The following AUTS2 variants were observed in gnomAD, a reference collection of about 807,000 sequenced individuals.
AUTS2 encodes activator of transcription and developmental regulator AUTS2, also known as autism susceptibility gene 2 protein.
In AUTS2, 17 loss-of-function variants were observed where a neutral mutation model predicts 112.4. The ratio of observed to expected loss-of-function variants is 0.15; its 90% CI spans 0.10 to 0.23. The LOEUF (loss-of-function observed/expected upper bound fraction) is 0.23. AUTS2 is among the 10% of genes least tolerant of loss of function. The pLI, the probability that AUTS2 is intolerant of heterozygous loss-of-function variation, is 1.00. For missense variants in AUTS2, 1,510 were observed against 1,701.6 expected (o/e 0.89, Z 1.98); for synonymous variants, 751 against 702.7 (o/e 1.07, Z -1.09).
chr7:70,070,129 G>GT, intron 2 of AUTS2, among the ~76,000 whole-genome samples: 1 of 152,178 alleles, frequency 6.6e-6, no homozygotes, highest in South Asian at 2.1e-4. Flanking sequence ...TTCGTTTCAT[G>GT]TTTTCTGGTA....
chr7:70,690,906 AGCTATGATTGTGCCACTGCACTC>A (rs1251726715), intron 5 of AUTS2, among the ~76,000 whole-genome samples: 2 of 152,204 alleles, frequency 1.3e-5, no homozygotes, highest in Admixed American at 1.3e-4. Context: ...GGTTATAGTG[AGCTATGATTGTGCCACTGCACTC>A]CAGCTTGGGT....
intron 4 of AUTS2, among the ~76,000 whole-genome samples, chr7:70,430,223 T>C (rs1186371337): frequency 6.6e-6 from 1 of 152,170 alleles, no homozygotes; most frequent in African/African-American, 2.4e-5. Flanking sequence ...GAGTGATTGC[T>C]TGGTGATGCT....
At chr7:70,227,128 C>G (rs558491439) in intron 4 of AUTS2, among the ~76,000 whole-genome samples, 1 of 151,808 alleles carries the variant, frequency 6.6e-6, no homozygotes, top group African/African-American at 2.4e-5. Flanking sequence ...TCTGAAGACC[C>G]GGGTAATACA....
chr7:70,696,491 C>T (rs1157634732), intron 5 of AUTS2, among the ~76,000 whole-genome samples: 1 of 152,222 alleles, frequency 6.6e-6, no homozygotes, highest in Non-Finnish European at 1.5e-5. Flanking sequence ...CTAAGCCTCT[C>T]TGAATATCCG....
intron 5 of AUTS2, among the ~76,000 whole-genome samples, chr7:70,693,586 C>T (rs1052321281): frequency 2.0e-5 from 3 of 152,208 alleles, no homozygotes; most frequent in African/African-American, 7.2e-5. Context: ...GACCGTGATC[C>T]CCGTCTCCAT....
intron 5 of AUTS2, among the ~76,000 whole-genome samples, chr7:70,489,036 A>C (rs1414998061): frequency 2.6e-5 from 4 of 152,218 alleles, no homozygotes; most frequent in Non-Finnish European, 5.9e-5. Context: ...TTGTCAGCCT[A>C]TTTGATTGAT....
chr7:70,418,512 C>T (rs532933158), intron 4 of AUTS2, among the ~76,000 whole-genome samples: 1 of 152,286 alleles, frequency 6.6e-6, no homozygotes, highest in African/African-American at 2.4e-5. Context: ...ATCTTTCTAA[C>T]TTGTGAGTGG....
chr7:69,775,257 G>A (rs1320508162), intron 1 of AUTS2, among the ~76,000 whole-genome samples: 1 of 152,114 alleles, frequency 6.6e-6, no homozygotes, highest in East Asian at 1.9e-4. Flanking sequence ...TTCCACATTT[G>A]GGAACTGCTG....
intron 1 of AUTS2, among the ~76,000 whole-genome samples, chr7:69,647,824 G>A (rs1187659986): frequency 3.9e-5 from 6 of 152,190 alleles, no homozygotes; most frequent in Non-Finnish European, 7.3e-5. Flanking sequence ...AAGCCTATAG[G>A]GGAATCTTTC....
chr7:70,444,375 A>T (rs62455218), intron 5 of AUTS2, among the ~76,000 whole-genome samples: 3,934 of 107,686 alleles, frequency 0.037, 57 homozygotes, highest in Non-Finnish European at 0.047. Flanking sequence ...TGTGTGTGTG[A>T]GAGAGAGAGA....
chr7:69,863,352 A>G (rs1793077344), intron 1 of AUTS2, among the ~76,000 whole-genome samples: 1 of 152,092 alleles, frequency 6.6e-6, no homozygotes, highest in South Asian at 2.1e-4. Context: ...ATATGGGAGG[A>G]TGTGAGTAGG....
At chr7:70,772,035 C>G (rs1345318401) in intron 11 of AUTS2, among the ~76,000 whole-genome samples, 1 of 152,184 alleles carries the variant, frequency 6.6e-6, no homozygotes, top group Non-Finnish European at 1.5e-5. Context: ...AAAGCTGGGT[C>G]CTTACTGATT....
intron 2 of AUTS2, among the ~76,000 whole-genome samples, chr7:69,969,298 T>A (rs933963413): frequency 2.8e-4 from 42 of 152,280 alleles, no homozygotes; most frequent in East Asian, 7.7e-4. Flanking sequence ...AGTTAATTGC[T>A]TCATTTGAAT....
chr7:69,624,125 A>T (rs899728950), intron 1 of AUTS2, among the ~76,000 whole-genome samples: 4 of 152,198 alleles, frequency 2.6e-5, no homozygotes, highest in African/African-American at 9.6e-5. Context: ...ATTAATGCTC[A>T]CAGCTGATAT....
chr7:70,561,291 T>A (rs1801474500), intron 5 of AUTS2, among the ~76,000 whole-genome samples: 1 of 152,164 alleles, frequency 6.6e-6, no homozygotes, highest in African/African-American at 2.4e-5. Context: ...GTCGAGATGC[T>A]TTTAGCTGCA....
At chr7:70,372,515 T>G (rs1470883818) in intron 4 of AUTS2, among the ~76,000 whole-genome samples, 1 of 152,118 alleles carries the variant, frequency 6.6e-6, no homozygotes, top group Non-Finnish European at 1.5e-5. Flanking sequence ...GTAAAGAGTA[T>G]CATGGAAGAA....
chr7:70,323,183 G>A (rs1416880543), intron 4 of AUTS2, among the ~76,000 whole-genome samples: 1 of 152,228 alleles, frequency 6.6e-6, no homozygotes, highest in Non-Finnish European at 1.5e-5. Context: ...ATGTGAGGGT[G>A]GAGCTGAAAT....
chr7:70,516,715 G>A (rs746830304), intron 5 of AUTS2, among the ~76,000 whole-genome samples: 3 of 152,126 alleles, frequency 2.0e-5, no homozygotes, highest in Admixed American at 6.5e-5. Context: ...TATGAATAAC[G>A]TACACGAAAG....
intron 2 of AUTS2, among the ~76,000 whole-genome samples, chr7:70,077,933 GTCA>G (rs1803114761): frequency 6.6e-6 from 1 of 152,152 alleles, no homozygotes; most frequent in East Asian, 1.9e-4. Context: ...GTCATTTGCT[GTCA>G]TCATAATTCT....
Sources: allele counts gnomAD v4.1 joint callset (sites outside exome capture counted in the v4.1 genomes callset), GRCh38; gene constraint gnomAD v4.1.1; transcripts MANE v1.5; gene names NCBI Gene and HGNC (gene_info 2026-07-23, HGNC 2026-07-21).